Variants in CTNNA2 observed in about 807,000 individuals in gnomAD.
CTNNA2 encodes catenin alpha 2.
A neutral mutation model predicts 101.0 loss-of-function variants in CTNNA2; 42 were observed. The ratio of observed to expected loss-of-function variants is 0.42; its 90% CI spans 0.32 to 0.54. CTNNA2 has a LOEUF of 0.54. CTNNA2 is among the 20% of genes least tolerant of loss of function. CTNNA2 has a pLI of 0.14. For synonymous variants in CTNNA2, 450 were observed against 456.4 expected (o/e 0.99, Z 0.18); for missense variants, 871 against 1,223.1 (o/e 0.71, Z 4.29).
At chr2:79,708,983 C>A (rs969390346) in intron 2 of CTNNA2, among the ~76,000 whole-genome samples, 2 of 152,180 alleles carry the variant, frequency 1.3e-5, no homozygotes, top group African/African-American at 2.4e-5. Flanking sequence ...GTCCTTGATA[C>A]TCTTGACCTA....
At chr2:79,340,894 T>A (rs1677122133) in intron 3 of CTNNA2, among the ~76,000 whole-genome samples, 1 of 98,512 alleles carries the variant, frequency 1.0e-5, no homozygotes, top group Non-Finnish European at 2.2e-5. Context: ...AATCTAGGGA[T>A]CTAGTAAAAA....
intron 7 of CTNNA2, among the ~76,000 whole-genome samples, chr2:80,345,610 A>G (rs532697675): frequency 6.6e-6 from 1 of 152,226 alleles, no homozygotes; most frequent in African/African-American, 2.4e-5. Flanking sequence ...GTTCACTGCT[A>G]TATCATCAGT....
At chr2:80,571,668 A>C (rs1694613051) in intron 12 of CTNNA2, among the ~76,000 whole-genome samples, 1 of 152,144 alleles carries the variant, frequency 6.6e-6, no homozygotes, top group East Asian at 1.9e-4. Flanking sequence ...TTCCCACTCG[A>C]ACTTTGACCT....
At chr2:80,258,592 A>G (rs1177872338) in intron 7 of CTNNA2, among the ~76,000 whole-genome samples, 4 of 152,136 alleles carry the variant, frequency 2.6e-5, no homozygotes, top group Admixed American at 2.6e-4. Flanking sequence ...TGATAAACAG[A>G]CCATCTCCCT....
At chr2:79,779,094 T>A (rs187258439) in intron 3 of CTNNA2, among the ~76,000 whole-genome samples, 9 of 152,314 alleles carry the variant, frequency 5.9e-5, no homozygotes, top group African/African-American at 2.2e-4. Flanking sequence ...ATACCTCACT[T>A]TGTTGATGTG....
intron 1 of CTNNA2, among the ~76,000 whole-genome samples, chr2:79,623,423 T>C (rs1189374288): frequency 6.6e-6 from 1 of 152,174 alleles, no homozygotes; most frequent in Non-Finnish European, 1.5e-5. Flanking sequence ...TAATCAGCTA[T>C]TTGTGATCTA....
At chr2:80,227,719 G>A (rs915160210) in intron 7 of CTNNA2, among the ~76,000 whole-genome samples, 1 of 152,186 alleles carries the variant, frequency 6.6e-6, no homozygotes, top group Non-Finnish European at 1.5e-5. Flanking sequence ...GGTTACAGAT[G>A]TCAACCAGAT....
At chr2:79,653,522 A>T (rs1049752744) in intron 2 of CTNNA2, among the ~76,000 whole-genome samples, 4 of 152,188 alleles carry the variant, frequency 2.6e-5, no homozygotes, top group African/African-American at 9.6e-5. Context: ...TCCATGAATT[A>T]CATGCCTAAT....
intron 7 of CTNNA2, among the ~76,000 whole-genome samples, chr2:80,212,414 G>A (rs984948828): frequency 5.9e-5 from 9 of 152,016 alleles, no homozygotes; most frequent in African/African-American, 7.3e-5. Flanking sequence ...TTTATTGAGA[G>A]TTTTTAGCAT....
intron 7 of CTNNA2, among the ~76,000 whole-genome samples, chr2:80,182,924 C>CA (rs1705874439): frequency 6.6e-6 from 1 of 152,134 alleles, no homozygotes; most frequent in Non-Finnish European, 1.5e-5. Context: ...CATCTGAGCA[C>CA]CACTGCATGT....
At chr2:79,534,648 A>G (rs1385638797) in intron 1 of CTNNA2, among the ~76,000 whole-genome samples, 1 of 152,010 alleles carries the variant, frequency 6.6e-6, no homozygotes. Flanking sequence ...ATACAGATAT[A>G]TTTATTCTAG....
chr2:79,291,912 A>C (rs1177342259), intron 2 of CTNNA2, among the ~76,000 whole-genome samples: 1 of 152,162 alleles, frequency 6.6e-6, no homozygotes, highest in African/African-American at 2.4e-5. Context: ...TTGCAAAGAC[A>C]AGAAACAGAG....
chr2:79,943,324 C>G (rs142465323), intron 7 of CTNNA2, among the ~76,000 whole-genome samples: 17 of 152,174 alleles, frequency 1.1e-4, no homozygotes, highest in Non-Finnish European at 2.1e-4. Flanking sequence ...AGAGGGGAAT[C>G]GGTTAAGAAT....
chr2:79,896,594 C>T (rs1006423368), intron 6 of CTNNA2, among the ~76,000 whole-genome samples: 32 of 152,176 alleles, frequency 2.1e-4, no homozygotes, highest in African/African-American at 7.2e-4. Flanking sequence ...CTGGGTGGAG[C>T]AGAAGATACC....
At position 79,463,277 on chromosome 2, in the gene CTNNA2, G is replaced by C. The variant is rs557489555; in HGVS notation, c.-134-41777G>C. On this transcript the variant is annotated intron_variant, in intron 4 of 21. Coordinates refer to the CTNNA2 transcript ENST00000466387. ...ACAAAAATTAGCCAGGTGTGATGAT[G>C]TGCACCTGTAATCTCAGCTACTCGG... Among the ~76,000 whole-genome samples, 479 of 151,664 alleles carry C rather than the reference G, an allele frequency of 3.2e-3. 1 individual carries two copies. Among genetic ancestry groups the C allele is most frequent in the Non-Finnish European group, 5.2e-3 (355 of 67,926 alleles).
At chr2:79,663,259 T>C (rs2104538234) in intron 2 of CTNNA2, among the ~76,000 whole-genome samples, 1 of 152,304 alleles carries the variant, frequency 6.6e-6, no homozygotes, top group East Asian at 1.9e-4. Flanking sequence ...TCTTACTCAC[T>C]ACCTATACAT....
chr2:79,775,426 G>A (rs376925958), intron 3 of CTNNA2, among the ~76,000 whole-genome samples: 2 of 152,112 alleles, frequency 1.3e-5, no homozygotes, highest in African/African-American at 4.8e-5. Context: ...AAAATACAAA[G>A]GATCAAAGCA....
In CTNNA2 at chr2:79,216,404, G is replaced by A. The variant is rs557528041; in HGVS notation, c.-406+18328G>A. On this transcript the variant is annotated intron_variant, in intron 2 of 21. Transcript: ENST00000466387. ...AAAAGCAGGAAAGTGGTCGGGGTGCGGAAATAAAGGGTTGGGGTGCAGAGA... is the reference window on the plus strand; with the variant it reads ...AAAAGCAGGAAAGTGGTCGGGGTGCAGAAATAAAGGGTTGGGGTGCAGAGA... Among the ~76,000 whole-genome samples the A allele has an allele frequency of 4.0e-4, 61 of 151,984 alleles. No homozygotes were observed. The South Asian group carries it at 4.4e-3, about 11-fold the overall frequency.
At chr2:80,150,868 G>A (rs919125671) in intron 7 of CTNNA2, among the ~76,000 whole-genome samples, 15 of 152,168 alleles carry the variant, frequency 9.9e-5, no homozygotes, top group African/African-American at 3.6e-4. Flanking sequence ...GGCAGATCAT[G>A]GAACCATTTG....
Sources: gnomAD v4.1 joint callset for allele counts (sites outside exome capture counted in the v4.1 genomes callset) on GRCh38, gnomAD v4.1.1 for gene constraint, MANE v1.5 for transcripts, NCBI Gene and HGNC (gene_info 2026-07-23, HGNC 2026-07-21) for gene names.